Variants in SESN1 observed in about 807,000 individuals in gnomAD.
The protein encoded by SESN1 is sestrin-1.
A neutral mutation model predicts 59.3 loss-of-function variants in SESN1; 30 were observed. The observed-to-expected ratio is 0.51, with a 90% CI of 0.38 to 0.69. The LOEUF (loss-of-function observed/expected upper bound fraction) is 0.69, where lower values mean the gene tolerates loss of function less well. Among genes scored for constraint, SESN1 ranks in the 30% least tolerant of loss-of-function variants. SESN1 has a pLI of 0.00. For synonymous variants in SESN1, 197 were observed against 219.9 expected (o/e 0.90, Z 0.92); for missense variants, 566 against 673.0 (o/e 0.84, Z 1.76).
chr6:108,988,603 A>C lies in SESN1; in HGVS notation c.1509T>G (p.Pro503=), dbSNP rs746641942. The change falls in exon 9 of 10, where the codon CCT becomes CCG. Residue 503 remains proline, a synonymous_variant. Coordinates refer to ENST00000436639, the MANE Select transcript of SESN1 (RefSeq NM_014454.3). ...KVYIKTVVCT[P]EKVTKRMYDS... is the part of the protein sequence containing the mutation. ...CATACATTCTTTTGGTAACCTTTTC[A>C]GGAGTGCAAACAACAGTTTTGATAT... is the stretch of plus-strand genomic sequence containing the variant. 1 of 1,613,366 alleles carries C rather than the reference A, an allele frequency of 6.2e-7. No individual in the cohort carries two copies. Among genetic ancestry groups the C allele is most frequent in the East Asian group, 2.2e-5 (1 of 44,858 alleles).
In SESN1 at chr6:108,984,528, A is replaced by C. The variant is rs558219207; in HGVS notation, c.*3016T>G. Among the ~76,000 whole-genome samples, 1 of 152,242 alleles carries C rather than the reference A, an allele frequency of 6.6e-6. No individual in the cohort carries two copies. The highest frequency in any genetic ancestry group is 1.9e-4 in the East Asian group (1 of 5,178). ...TGATCTTATCACCTCCCAAAGGCCT[A>C]CTTTTTTAATATCACCACATTGAGG... On this transcript the variant is annotated 3_prime_UTR_variant, in exon 10 of 10. Coordinates refer to ENST00000436639, the MANE Select transcript of SESN1 (RefSeq NM_014454.3).
intron 1 of SESN1, among the ~76,000 whole-genome samples, chr6:109,055,094 T>C (rs989345046): frequency 1.3e-5 from 2 of 152,216 alleles, no homozygotes; most frequent in Non-Finnish European, 2.9e-5. Context: ...CACAAGGTTC[T>C]AATCCTCACC....
At position 108,990,743 on chromosome 6, in the gene SESN1, G is replaced by GT; in HGVS notation, c.1325dup (p.Tyr442Ter). 6.2e-7 allele frequency: 1 copy of GT among 1,614,024 alleles called. No individual in the cohort carries two copies. Among genetic ancestry groups the GT allele is most frequent in the Non-Finnish European group, 8.5e-7 (1 of 1,179,948 alleles). ...TTGCCATTGTATTATAAGTAAGATT[G>GT]TAAGCAATGTGAAATTTTTCATCAA... The part of the protein sequence containing the change: ...QLIDEKFHIA[Y>*]NLTYNTMAMH... Residue 442 changes from tyrosine (Y) to a stop codon, truncating the protein, a stop_gained and frameshift_variant, in exon 8 of 10, where the codon TAC (tyrosine) becomes TAAC (stop). Transcript: ENST00000436639. LOFTEE classifies it high-confidence loss of function.
intron 1 of SESN1, among the ~76,000 whole-genome samples, chr6:109,072,752 T>C (rs1780959222): frequency 6.6e-6 from 1 of 152,142 alleles, no homozygotes; most frequent in South Asian, 2.1e-4. Context: ...ATTGCATGGC[T>C]AATTCAAGGA....
At chr6:109,028,282 C>G (rs755966026) in intron 1 of SESN1, among the ~76,000 whole-genome samples, 1 of 152,148 alleles carries the variant, frequency 6.6e-6, no homozygotes, top group Non-Finnish European at 1.5e-5. Flanking sequence ...AGGGCATTCA[C>G]TTTTTAAATA....
intron 5 of SESN1, among the ~76,000 whole-genome samples, chr6:108,998,045 G>C (rs185659107): frequency 7.9e-5 from 12 of 152,156 alleles, no homozygotes; most frequent in African/African-American, 2.7e-4. Flanking sequence ...GAATTCTGAA[G>C]AGAGAAATTT....
intron 1 of SESN1, among the ~76,000 whole-genome samples, chr6:109,071,770 G>A (rs1385259865): frequency 3.3e-5 from 5 of 152,136 alleles, no homozygotes; most frequent in South Asian, 2.1e-4. Flanking sequence ...TCAGAGGCAC[G>A]AGCTAACATT....
chr6:109,018,809 G>T (rs767288403), intron 1 of SESN1, among the ~76,000 whole-genome samples: 1 of 152,068 alleles, frequency 6.6e-6, no homozygotes, highest in South Asian at 2.1e-4. Context: ...TATAATTTCA[G>T]GGATGACTTC....
rs372667048 is a variant in SESN1, at chr6:109,026,537, G to A, written c.280-24194C>T. ...TTTTGAGATGGAGTCTCGCTCTGTCGCCAGGCTGGAGTGCAGTGGCGCAAT... is the reference window on the plus strand; with the variant it reads ...TTTTGAGATGGAGTCTCGCTCTGTCACCAGGCTGGAGTGCAGTGGCGCAAT... On this transcript the variant is annotated intron_variant, in intron 1 of 9. Coordinates refer to ENST00000436639, the MANE Select transcript of SESN1 (RefSeq NM_014454.3). Among the ~76,000 whole-genome samples the A allele has an allele frequency of 9.2e-5, 14 of 151,834 alleles. 1 individual carries two copies. The South Asian group carries it at 1.7e-3, about 18-fold the overall frequency.
chr6:109,087,234 G>T (rs1057252146), intron 1 of SESN1, among the ~76,000 whole-genome samples: 1 of 152,020 alleles, frequency 6.6e-6, no homozygotes, highest in African/African-American at 2.4e-5. Flanking sequence ...TCAAAACATA[G>T]GACAGGATGT....
intron 1 of SESN1, among the ~76,000 whole-genome samples, chr6:109,067,039 T>A (rs1166366495): frequency 6.6e-5 from 10 of 152,210 alleles, no homozygotes; most frequent in African/African-American, 2.4e-4. Flanking sequence ...ACTTTGAAAA[T>A]GTATGCTTTT....
chr6:109,002,190 C>T (rs947410087), intron 2 of SESN1, 88 bp downstream of exon 2: 4 of 1,148,190 alleles, frequency 3.5e-6, no homozygotes, highest in South Asian at 1.3e-5. Flanking sequence ...TGTTGTTGAC[C>T]AACAGTTCTT....
chr6:109,038,937 A>G (rs1382406603), intron 1 of SESN1, among the ~76,000 whole-genome samples: 5 of 151,138 alleles, frequency 3.3e-5, no homozygotes, highest in African/African-American at 9.7e-5. Context: ...AGAAGAAAAG[A>G]GAAGAAGAAA....
chr6:109,004,669 A>C (rs754866253), intron 1 of SESN1, among the ~76,000 whole-genome samples: 3 of 152,132 alleles, frequency 2.0e-5, no homozygotes, highest in Non-Finnish European at 4.4e-5. Context: ...TGACCTCGTG[A>C]TGCGCCCACC....
intron 1 of SESN1, among the ~76,000 whole-genome samples, chr6:109,053,488 T>A (rs1780577175): frequency 6.6e-6 from 1 of 151,920 alleles, no homozygotes; most frequent in African/African-American, 2.4e-5. Flanking sequence ...CTGAGAAACA[T>A]GAGAAAGCCC....
At position 109,001,558 on chromosome 6, in the gene SESN1, G is replaced by A. The variant is rs925514675; in HGVS notation, c.346-70C>T. 1.4e-5 allele frequency: 18 copies of A among 1,299,478 alleles called. No individual in the cohort carries two copies. In the Admixed American group the frequency reaches 2.7e-4, roughly 20 times the overall value. 80.5% of individuals were successfully genotyped at this position (1,299,478 alleles called of 1,614,324 possible). The stretch of plus-strand genomic sequence containing the variant: ...TGTTAAGGGAAGAAAATATACATGC[G>A]CTACACTCTAAGTATCATTTAGAAG... On this transcript the variant is annotated intron_variant, in intron 2 of 9. Coordinates refer to ENST00000436639, the MANE Select transcript of SESN1 (RefSeq NM_014454.3).
intron 6 of SESN1, among the ~76,000 whole-genome samples, chr6:108,994,198 A>G (rs1779453512): frequency 6.6e-6 from 1 of 151,642 alleles, no homozygotes; most frequent in South Asian, 2.1e-4. Flanking sequence ...TTAAGTGACT[A>G]AGCCAAGTTC....
chr6:109,062,797 C>T (rs1180670914), intron 1 of SESN1, among the ~76,000 whole-genome samples: 1 of 151,698 alleles, frequency 6.6e-6, no homozygotes, highest in African/African-American at 2.4e-5. Flanking sequence ...AGAAATTAGG[C>T]CCAGTAAGAA....
chr6:109,039,045 AG>A (rs1780294906), intron 1 of SESN1, among the ~76,000 whole-genome samples: 1 of 115,724 alleles, frequency 8.6e-6, no homozygotes, highest in Non-Finnish European at 1.8e-5. Flanking sequence ...AAGAAGAAGG[AG>A]GGAGAAGGAG....
Sources: allele counts gnomAD v4.1 joint callset (sites outside exome capture counted in the v4.1 genomes callset), GRCh38; gene constraint gnomAD v4.1.1; transcripts MANE v1.5; gene names NCBI Gene and HGNC (gene_info 2026-07-23, HGNC 2026-07-21).